The following EPB41L4A variants were observed in gnomAD, a reference collection of about 807,000 sequenced individuals.
EPB41L4A encodes the protein band 4.1-like protein 4A.
In EPB41L4A, 100 loss-of-function variants were observed where a neutral mutation model predicts 108.6. That is an observed-to-expected ratio of 0.92 (90% CI 0.78 to 1.09). The LOEUF (loss-of-function observed/expected upper bound fraction) is 1.09, where lower values mean the gene tolerates loss of function less well. EPB41L4A is among the 50% of genes least tolerant of loss of function. EPB41L4A has a pLI of 0.00. For synonymous variants in EPB41L4A, 319 were observed against 289.0 expected, an observed-to-expected ratio of 1.10 and a Z score of -1.05; for missense variants, 1,030 against 842.7, an observed-to-expected ratio of 1.22 and a Z score of -2.75.
intron 1 of EPB41L4A, among the ~76,000 whole-genome samples, chr5:112,393,865 A>T (rs903208213): frequency 2.6e-5 from 4 of 152,236 alleles, no homozygotes; most frequent in Non-Finnish European, 5.9e-5. Context: ...AACTGAATCC[A>T]GCAGCACATC....
intron 2 of EPB41L4A, among the ~76,000 whole-genome samples, chr5:112,296,520 TA>T (rs1753993531): frequency 6.6e-6 from 1 of 152,146 alleles, no homozygotes; most frequent in Non-Finnish European, 1.5e-5. Flanking sequence ...ATTCCAGGAA[TA>T]TATTATAATG....
At position 112,278,254 on chromosome 5, in the gene EPB41L4A, A is replaced by ATTTT. The variant is rs199773939; in HGVS notation, c.256+2014_256+2017dup. On this transcript the variant is annotated intron_variant, in intron 3 of 22. Coordinates refer to ENST00000261486, the MANE Select transcript of EPB41L4A (RefSeq NM_022140.5). ...GTTGTTTTATTCTTACTATACATCA[A>ATTTT]TTTTTTTTTTTTTGAGATGGAGTCT... Among the ~76,000 whole-genome samples, 686 of 147,410 alleles carry ATTTT rather than the reference A, an allele frequency of 4.7e-3. 5 individuals are homozygous for ATTTT. Among genetic ancestry groups the ATTTT allele is most frequent in the Non-Finnish European group, 5.9e-3 (395 of 67,014 alleles).
At chr5:112,272,444 A>AT (rs145491571) in intron 4 of EPB41L4A, among the ~76,000 whole-genome samples, 14,309 of 151,604 alleles carry the variant, frequency 0.094, 913 homozygotes, top group Middle Eastern at 0.19. Flanking sequence ...CCTGGCCCTA[A>AT]TTTTTTTAAA....
chr5:112,256,095 A>G (rs936230648), intron 9 of EPB41L4A, among the ~76,000 whole-genome samples: 2 of 152,226 alleles, frequency 1.3e-5, no homozygotes, highest in Non-Finnish European at 2.9e-5. Context: ...TAGAGACACT[A>G]TCATCTCTTG....
At chr5:112,328,721 G>A (rs1185763918) in intron 1 of EPB41L4A, among the ~76,000 whole-genome samples, 1 of 152,168 alleles carries the variant, frequency 6.6e-6, no homozygotes, top group African/African-American at 2.4e-5. Context: ...TTCCTGAAAT[G>A]GCTGGACTTA....
At chr5:112,387,045 C>G (rs1195918714) in intron 1 of EPB41L4A, among the ~76,000 whole-genome samples, 1 of 152,208 alleles carries the variant, frequency 6.6e-6, no homozygotes, top group Non-Finnish European at 1.5e-5. Context: ...GCCTCTATTG[C>G]TTCAAAGTGA....
intron 4 of EPB41L4A, among the ~76,000 whole-genome samples, chr5:112,274,186 G>A (rs777287371): frequency 1.5e-4 from 23 of 151,976 alleles, no homozygotes; most frequent in African/African-American, 3.1e-4. Context: ...AGGCTGAGGC[G>A]GGAGGATTCT....
chr5:112,266,355 T>C (rs905847886), intron 4 of EPB41L4A, 25 bp from the exon 5 acceptor site: 2 of 1,508,344 alleles, frequency 1.3e-6, no homozygotes, highest in Admixed American at 3.9e-5. Context: ...AAAAGAGAGA[T>C]TAACGATCTC....
chr5:112,211,135 G>C (rs537347570), intron 12 of EPB41L4A, among the ~76,000 whole-genome samples: 1 of 152,062 alleles, frequency 6.6e-6, no homozygotes, highest in Non-Finnish European at 1.5e-5. Flanking sequence ...CTTTCTCAAG[G>C]TCCCACAGCT....
intron 1 of EPB41L4A, among the ~76,000 whole-genome samples, chr5:112,314,143 C>T (rs544021056): frequency 3.9e-5 from 6 of 151,972 alleles, no homozygotes; most frequent in South Asian, 4.2e-4. Context: ...TAGGCATGAG[C>T]CACCGCACCT....
At chr5:112,245,747 A>C (rs1399401230) in intron 9 of EPB41L4A, among the ~76,000 whole-genome samples, 1 of 152,224 alleles carries the variant, frequency 6.6e-6, no homozygotes, top group Admixed American at 6.5e-5. Flanking sequence ...ATCTACTCAC[A>C]CAGGTGATCT....
chr5:112,151,687 C>T (rs1194568031), intron 12 of EPB41L4A, among the ~76,000 whole-genome samples: 10 of 151,826 alleles, frequency 6.6e-5, no homozygotes, highest in African/African-American at 1.9e-4. Context: ...TGATTACAGG[C>T]ATGAGCCACT....
At chr5:112,276,725 T>G (rs4415122) in intron 3 of EPB41L4A, among the ~76,000 whole-genome samples, 46 of 152,326 alleles carry the variant, frequency 3.0e-4, no homozygotes, top group African/African-American at 1.1e-3. Context: ...GAAATTAAAA[T>G]GAACAAGAAT....
chr5:112,258,006 A>T (rs977332104), intron 9 of EPB41L4A, among the ~76,000 whole-genome samples: 4 of 152,250 alleles, frequency 2.6e-5, no homozygotes, highest in Non-Finnish European at 5.9e-5. Context: ...ATTTCCTCCA[A>T]ACTAAACCAT....
At chr5:112,375,002 C>T (rs1759722372) in intron 1 of EPB41L4A, among the ~76,000 whole-genome samples, 2 of 152,188 alleles carry the variant, frequency 1.3e-5, no homozygotes, top group South Asian at 4.1e-4. Context: ...CTACACGTAA[C>T]AATCACCTGG....
chr5:112,271,655 C>T (rs1461204868), intron 4 of EPB41L4A, among the ~76,000 whole-genome samples: 2 of 152,158 alleles, frequency 1.3e-5, no homozygotes, highest in Non-Finnish European at 2.9e-5. Context: ...GAAGGACACA[C>T]AATACAGGGA....
At position 112,165,063 on chromosome 5, in the gene EPB41L4A, T is replaced by G. The variant is rs959974023; in HGVS notation, c.1988A>C (p.Asn663Thr). The G allele has an allele frequency of 2.5e-6, 4 of 1,613,736 alleles. No homozygotes were observed. The highest frequency in any genetic ancestry group is 3.3e-5 in the Admixed American group (2 of 59,988). ...LMEEKPQTST[N>T]NLAGKHTAKT... ...TGCTGTGTGTTTTCCAGCCAGGTTG[T>G]TTGTAGATGTCTGAGGTTTTTCTTC... The change falls in exon 23 of 23, where the codon AAC (asparagine) becomes ACC (threonine). Residue 663 changes from asparagine to threonine, a missense_variant. Transcript: ENST00000261486.
chr5:112,277,166 C>A (rs994154925), intron 3 of EPB41L4A, among the ~76,000 whole-genome samples: 2 of 152,118 alleles, frequency 1.3e-5, no homozygotes, highest in African/African-American at 4.8e-5. Flanking sequence ...TCTGCCTGTG[C>A]CCGCAGGCAG....
intron 12 of EPB41L4A, among the ~76,000 whole-genome samples, chr5:112,152,878 G>T (rs1374550168): frequency 6.6e-6 from 1 of 150,438 alleles, no homozygotes; most frequent in African/African-American, 2.5e-5. Context: ...TATCTAGGAA[G>T]ATATATCAAT....
Sources: allele counts gnomAD v4.1 joint callset (sites outside exome capture counted in the v4.1 genomes callset), GRCh38; gene constraint gnomAD v4.1.1; transcripts MANE v1.5; gene names NCBI Gene and HGNC (gene_info 2026-07-23, HGNC 2026-07-21).